Variants in EXT2 observed in about 807,000 individuals in gnomAD.
EXT2 encodes the protein exostosin-2.
In EXT2, 53 loss-of-function variants were observed where a neutral mutation model predicts 81.6. That is an observed-to-expected ratio of 0.65 (90% CI 0.52 to 0.82). EXT2 has a LOEUF of 0.82. Among genes scored for constraint, EXT2 ranks in the 40% least tolerant of loss-of-function variants. EXT2 has a pLI of 0.00. For missense variants in EXT2, 774 were observed against 910.2 expected, an observed-to-expected ratio of 0.85 and a Z score of 1.93; for synonymous variants, 320 against 340.0, an observed-to-expected ratio of 0.94 and a Z score of 0.65.
intron 13 of EXT2, among the ~76,000 whole-genome samples, chr11:44,243,721 T>C (rs1015474598): frequency 1.3e-5 from 2 of 151,618 alleles, no homozygotes; most frequent in Non-Finnish European, 2.9e-5. Context: ...TCCAAGTAGT[T>C]TTTTTTCTTT....
chr11:44,130,034 G>A lies in EXT2; in HGVS notation c.1080-11G>A, dbSNP rs771705079. On this transcript the variant is annotated splice_polypyrimidine_tract_variant and intron_variant, in intron 6 of 13. Coordinates refer to ENST00000533608, the MANE Select transcript of EXT2 (RefSeq NM_207122.2). ...CTGTGTGTATGTAAACTGTTTTGCT[G>A]TTGTCTCCAGAGCATCTGTGGTTGT... 1.9e-6 allele frequency: 3 copies of A among 1,610,148 alleles called. No individual in the cohort carries two copies. Among genetic ancestry groups the A allele is most frequent in the Admixed American group, 1.7e-5 (1 of 59,998 alleles).
chr11:44,099,748 G>A (rs944426944), intron 1 of EXT2, among the ~76,000 whole-genome samples: 1 of 152,216 alleles, frequency 6.6e-6, no homozygotes, highest in African/African-American at 2.4e-5. Context: ...TTCATAAAAT[G>A]TGGCAAGTGC....
chr11:44,213,891 A>G (rs997144542), intron 10 of EXT2, among the ~76,000 whole-genome samples: 8 of 152,236 alleles, frequency 5.3e-5, no homozygotes, highest in Admixed American at 6.5e-5. Flanking sequence ...CCAACCACCA[A>G]CATCCAAAGA....
intron 13 of EXT2, among the ~76,000 whole-genome samples, chr11:44,242,569 T>A (rs1956049393): frequency 6.6e-6 from 1 of 152,176 alleles, no homozygotes; most frequent in Non-Finnish European, 1.5e-5. Context: ...TTGGGCAAGT[T>A]ACTTAACCTC....
At chr11:44,125,478 A>G (rs370948275) in intron 5 of EXT2, among the ~76,000 whole-genome samples, 2 of 152,122 alleles carry the variant, frequency 1.3e-5, no homozygotes, top group African/African-American at 4.8e-5. Context: ...TCCTGTCAGT[A>G]GCATGTCCTT....
chr11:44,239,683 G>T (rs1956012659), intron 13 of EXT2, among the ~76,000 whole-genome samples: 1 of 134,552 alleles, frequency 7.4e-6, no homozygotes, highest in Non-Finnish European at 1.5e-5. Flanking sequence ...GAACCACCCT[G>T]CCTGGCTTTT....
chr11:44,145,511 A>T (rs1365493562), intron 7 of EXT2, among the ~76,000 whole-genome samples: 1 of 152,176 alleles, frequency 6.6e-6, no homozygotes, highest in African/African-American at 2.4e-5. Context: ...CATGAGTAGG[A>T]TCATGAGCTC....
chr11:44,175,263 G>C (rs550094078), intron 8 of EXT2, among the ~76,000 whole-genome samples: 3 of 152,186 alleles, frequency 2.0e-5, no homozygotes, highest in Non-Finnish European at 4.4e-5. Flanking sequence ...TATACTGTAC[G>C]GTTTATCCAG....
rs529658811 is a variant in EXT2 at position 44,247,308 on chromosome 11, A to ATT, written c.*3021_*3022insTT. On this transcript the variant is annotated 3_prime_UTR_variant, in exon 14 of 14. Transcript: ENST00000533608. The stretch of plus-strand genomic sequence containing the variant: ...GTCACCCAGGCTGGAGTGCAACAAT[A>ATT]GCATGGTCTCGGCTCACTACATCCT... 8.6e-5 allele frequency among the ~76,000 whole-genome samples: 12 copies of ATT among 139,390 alleles called. No individual in the cohort carries two copies. Among genetic ancestry groups the ATT allele is most frequent in the African/African-American group, 3.2e-4 (12 of 36,962 alleles). 91.4% of individuals were successfully genotyped at this position (139,390 alleles called of 152,430 possible).
chr11:44,175,153 A>G (rs1955140788), intron 8 of EXT2, among the ~76,000 whole-genome samples: 1 of 152,224 alleles, frequency 6.6e-6, no homozygotes. Context: ...AGACTGTTTG[A>G]GAAATGCAGA....
chr11:44,193,621 C>T lies in EXT2; in HGVS notation c.1306-4208C>T, dbSNP rs1426614922. Among the ~76,000 whole-genome samples, 3 of 152,198 alleles carry T rather than the reference C, an allele frequency of 2.0e-5. No homozygotes were observed. The East Asian group carries it at 5.8e-4, about 29-fold the overall frequency. On this transcript the variant is annotated intron_variant, in intron 8 of 13. Transcript: ENST00000533608. ...GCTAACTCAATTTTGAAGCCATTTG[C>T]ATTAACCCTGGTGGTGTGTTCTACA... is the stretch of plus-strand genomic sequence containing the variant.
chr11:44,223,565 C>A (rs1955804620), intron 10 of EXT2, among the ~76,000 whole-genome samples: 1 of 152,074 alleles, frequency 6.6e-6, no homozygotes, highest in Non-Finnish European at 1.5e-5. Flanking sequence ...ATTTATATAA[C>A]CTCCTTGAAA....
intron 9 of EXT2, among the ~76,000 whole-genome samples, chr11:44,201,996 T>A (rs908877677): frequency 6.6e-6 from 1 of 152,306 alleles, no homozygotes. Flanking sequence ...AGGGAAAACA[T>A]GAAACTGAGA....
intron 8 of EXT2, 76 bp downstream of exon 8, chr11:44,171,818 A>G (rs1955079381): frequency 1.9e-6 from 3 of 1,588,852 alleles, no homozygotes; most frequent in African/African-American, 2.7e-5. Flanking sequence ...ATGTACTACA[A>G]TTGTAAAGGT....
chr11:44,123,604 G>A (rs372483956), intron 4 of EXT2, among the ~76,000 whole-genome samples: 9 of 152,282 alleles, frequency 5.9e-5, no homozygotes, highest in Middle Eastern at 3.4e-3. Flanking sequence ...GAGTATTTGC[G>A]TTATACTCTT....
At chr11:44,204,662 G>A in intron 9 of EXT2, among the ~76,000 whole-genome samples, 1 of 152,194 alleles carries the variant, frequency 6.6e-6, no homozygotes, top group East Asian at 1.9e-4. Context: ...GGCAGCATTA[G>A]ATTCTCACTC....
chr11:44,247,994 G>T lies in EXT2; in HGVS notation c.*3707G>T, dbSNP rs1363925743. Among the ~76,000 whole-genome samples the T allele has an allele frequency of 2.0e-5, 3 of 152,184 alleles. No homozygotes were observed. The highest frequency in any genetic ancestry group is 7.2e-5 in the African/African-American group (3 of 41,442). On this transcript the variant is annotated 3_prime_UTR_variant, in exon 14 of 14. Transcript: ENST00000533608. ...CAGAGACTGGGTTTGGGAAGTGGTTGGGTTCTGGGAAGGCTCTTCCTAGCT... is the reference window on the plus strand; with the variant it reads ...CAGAGACTGGGTTTGGGAAGTGGTTTGGTTCTGGGAAGGCTCTTCCTAGCT...
At chr11:44,195,829 A>G (rs1955449329) in intron 8 of EXT2, among the ~76,000 whole-genome samples, 1 of 152,234 alleles carries the variant, frequency 6.6e-6, no homozygotes, top group South Asian at 2.1e-4. Context: ...TTGCATGATA[A>G]CATATGAATA....
intron 7 of EXT2, among the ~76,000 whole-genome samples, chr11:44,133,981 C>T (rs1954530384): frequency 6.6e-6 from 1 of 152,222 alleles, no homozygotes; most frequent in Non-Finnish European, 1.5e-5. Flanking sequence ...AAAAAGTTAA[C>T]TACAAGGCTA....
Sources: gnomAD v4.1 joint callset for allele counts (sites outside exome capture counted in the v4.1 genomes callset) on GRCh38, gnomAD v4.1.1 for gene constraint, MANE v1.5 for transcripts, NCBI Gene and HGNC (gene_info 2026-07-23, HGNC 2026-07-21) for gene names.